The following ARB2A variants were observed in gnomAD, a reference collection of about 807,000 sequenced individuals.
ARB2A encodes ARB2 cotranscriptional regulator A, also known as cotranscriptional regulator ARB2A.
At chr5:93,625,327 A>G in the ARB2A span, among the ~76,000 whole-genome samples, 1 of 152,230 alleles carries the variant, frequency 6.6e-6, no homozygotes, top group African/African-American at 2.4e-5. Flanking sequence ...GCACGGCATA[A>G]TATTTGTTAT....
chr5:93,750,667 C>T, the ARB2A span, among the ~76,000 whole-genome samples: 1 of 152,216 alleles, frequency 6.6e-6, no homozygotes, highest in South Asian at 2.1e-4. Context: ...GACAGGCATG[C>T]TCCATCAGGC....
At chr5:94,088,548 G>A in the ARB2A span, among the ~76,000 whole-genome samples, 5 of 152,046 alleles carry the variant, frequency 3.3e-5, no homozygotes, top group Middle Eastern at 3.2e-3. Context: ...AGATGCATTG[G>A]CATGTGCTTG....
At chr5:93,995,513 T>C in the ARB2A span, among the ~76,000 whole-genome samples, 1 of 152,238 alleles carries the variant, frequency 6.6e-6, no homozygotes, top group Admixed American at 6.5e-5. Flanking sequence ...GACTGCCATC[T>C]GAGAAAGGTG....
chr5:93,765,084 T>C, the ARB2A span, among the ~76,000 whole-genome samples: 1 of 152,272 alleles, frequency 6.6e-6, no homozygotes, highest in Non-Finnish European at 1.5e-5. Flanking sequence ...GCACAGCCAA[T>C]ATCATACTGA....
At chr5:93,806,618 C>G in the ARB2A span, among the ~76,000 whole-genome samples, 3 of 151,860 alleles carry the variant, frequency 2.0e-5, no homozygotes, top group African/African-American at 7.2e-5. Flanking sequence ...GGTTATTGCT[C>G]TTGTATAATA....
the ARB2A span, among the ~76,000 whole-genome samples, chr5:93,879,228 C>T: frequency 2.0e-5 from 3 of 151,992 alleles, no homozygotes; most frequent in African/African-American, 4.8e-5. Flanking sequence ...AACCGTTCTT[C>T]TCTTTCCCAC....
the ARB2A span, among the ~76,000 whole-genome samples, chr5:94,017,518 A>G: frequency 6.6e-6 from 1 of 152,204 alleles, no homozygotes; most frequent in Non-Finnish European, 1.5e-5. Flanking sequence ...TGGATATGGT[A>G]TCTGATGGGG....
At chr5:93,960,030 T>C in the ARB2A span, among the ~76,000 whole-genome samples, 1 of 150,284 alleles carries the variant, frequency 6.7e-6, no homozygotes, top group Non-Finnish European at 1.5e-5. Flanking sequence ...CTTTGTCAAC[T>C]GTATATGTTC....
the ARB2A span, among the ~76,000 whole-genome samples, chr5:93,905,478 C>CG: frequency 6.6e-6 from 1 of 151,086 alleles, no homozygotes; most frequent in Admixed American, 6.6e-5. Context: ...GTAACTTTTT[C>CG]GGAAAAAAAT....
chr5:93,748,062 T>C, the ARB2A span, among the ~76,000 whole-genome samples: 5 of 152,174 alleles, frequency 3.3e-5, no homozygotes, highest in Non-Finnish European at 7.4e-5. Flanking sequence ...TACATAGAAT[T>C]TTCTGTAATA....
the ARB2A span, chr5:93,865,834 G>T: frequency 1.0e-6 from 1 of 985,372 alleles, no homozygotes; most frequent in Non-Finnish European, 1.2e-6. Flanking sequence ...TAGTAGGCAG[G>T]TGATATTTAT....
At chr5:94,076,559 G>C in the ARB2A span, among the ~76,000 whole-genome samples, 1 of 152,118 alleles carries the variant, frequency 6.6e-6, no homozygotes, top group African/African-American at 2.4e-5. Flanking sequence ...AAATACATCA[G>C]ACCTAGACTG....
chr5:94,085,548 A>T, the ARB2A span, among the ~76,000 whole-genome samples: 22 of 152,232 alleles, frequency 1.4e-4, no homozygotes, highest in African/African-American at 4.1e-4. Flanking sequence ...CTTTCTCAAG[A>T]AAGATAGATC....
chr5:93,796,981 TCA>T, the ARB2A span, among the ~76,000 whole-genome samples: 1 of 152,136 alleles, frequency 6.6e-6, no homozygotes, highest in African/African-American at 2.4e-5. Flanking sequence ...CATCTTCCTT[TCA>T]CAGATAGAGA....
At chr5:93,878,737 T>C in the ARB2A span, among the ~76,000 whole-genome samples, 1 of 152,098 alleles carries the variant, frequency 6.6e-6, no homozygotes, top group Non-Finnish European at 1.5e-5. Flanking sequence ...TCTATCTTTG[T>C]CATCAAATGT....
the ARB2A span, among the ~76,000 whole-genome samples, chr5:93,723,393 A>G: frequency 6.6e-6 from 1 of 152,270 alleles, no homozygotes; most frequent in Admixed American, 6.5e-5. Context: ...GAGAAAGGTT[A>G]TCTCTAATAG....
the ARB2A span, among the ~76,000 whole-genome samples, chr5:94,093,925 G>C: frequency 6.6e-6 from 1 of 152,126 alleles, no homozygotes; most frequent in Non-Finnish European, 1.5e-5. Flanking sequence ...GACTTAGAAA[G>C]ATATTAGAAA....
At chr5:94,048,756 G>C in the ARB2A span, among the ~76,000 whole-genome samples, 1 of 152,308 alleles carries the variant, frequency 6.6e-6, no homozygotes, top group African/African-American at 2.4e-5. Context: ...AGTGGGGGAA[G>C]GGAGGAGCAT....
the ARB2A span, among the ~76,000 whole-genome samples, chr5:93,763,072 G>C: frequency 6.6e-6 from 1 of 152,070 alleles, no homozygotes; most frequent in Non-Finnish European, 1.5e-5. Context: ...GGAACAACCA[G>C]TACCAGCCAC....
Sources: allele counts gnomAD v4.1 joint callset (sites outside exome capture counted in the v4.1 genomes callset), GRCh38; gene constraint gnomAD v4.1.1; transcripts MANE v1.5; gene names NCBI Gene and HGNC (gene_info 2026-07-23, HGNC 2026-07-21).